The following NDST4 variants were observed in gnomAD, a reference collection of about 807,000 sequenced individuals.
NDST4 encodes N-heparan sulfate sulfotransferase 4.
A neutral mutation model predicts 100.8 loss-of-function variants in NDST4; 63 were observed. The ratio of observed to expected loss-of-function variants is 0.62; its 90% CI spans 0.51 to 0.77. The LOEUF (loss-of-function observed/expected upper bound fraction) is 0.77, where lower values mean the gene tolerates loss of function less well. NDST4 is among the 30% of genes least tolerant of loss of function. The pLI is 0.00. For synonymous variants in NDST4, 377 were observed against 361.8 expected (o/e 1.04, Z -0.48); for missense variants, 943 against 1,018.4 (o/e 0.93, Z 1.01).
rs540348253 is a variant in NDST4 at position 114,975,131 on chromosome 4, G to T, written c.1066+2056C>A. Among the ~76,000 whole-genome samples, 13 of 152,172 alleles carry T rather than the reference G, an allele frequency of 8.5e-5. No homozygotes were observed. In the South Asian group the frequency reaches 2.7e-3, roughly 32 times the overall value. ...GCACGTCTTTCTGATATCTGAAAGG[G>T]TATCACGTTGTGTAACTCAGCTCCA... On this transcript the variant is annotated intron_variant, in intron 3 of 13. Transcript: ENST00000264363.
intron 2 of NDST4, among the ~76,000 whole-genome samples, chr4:115,066,395 TA>T (rs1473678967): frequency 6.6e-6 from 1 of 152,148 alleles, no homozygotes; most frequent in African/African-American, 2.4e-5. Context: ...CTACTTGAAA[TA>T]ATTCAGAAGA....
intron 4 of NDST4, among the ~76,000 whole-genome samples, chr4:114,949,352 T>A (rs1232189779): frequency 6.6e-6 from 1 of 151,980 alleles, no homozygotes; most frequent in Non-Finnish European, 1.5e-5. Context: ...AGGGAAAGCA[T>A]TAGAGCATGA....
intron 10 of NDST4, chr4:114,842,880 A>G (rs188956234): frequency 2.7e-3 from 415 of 154,796 alleles, no homozygotes; most frequent in Admixed American, 4.7e-3. Context: ...CAACAGCCAC[A>G]GTATTTATTG....
chr4:114,935,275 T>G lies in NDST4; in HGVS notation c.1467A>C (p.Pro489=), dbSNP rs1245571496. 1 of 1,611,100 alleles carries G rather than the reference T, an allele frequency of 6.2e-7. No individual in the cohort carries two copies. Among genetic ancestry groups the G allele is most frequent in the Non-Finnish European group, 8.5e-7 (1 of 1,178,788 alleles). The change falls in exon 6 of 14, where the codon CCA becomes CCC. Residue 489 remains proline, a synonymous_variant. Transcript: ENST00000264363. ...TTTTATCCAGTTCTTGGGGTCCTCC[T>G]GGATATTCTTTGTAGAAAATAGTGT... ...FTHTIFYKEY[P]GGPQELDKSI...
In NDST4 at chr4:115,076,196, T is replaced by C. The variant is rs1398231381; in HGVS notation, c.841A>G (p.Lys281Glu). Residue 281 changes from lysine (K) to glutamate (E), a missense_variant, in exon 2 of 14, where the codon AAG becomes GAG. Transcript: ENST00000264363. ...GAGATGGCATCTATGAAGATGAGCTTGTGCAGCCAAAAGTTCAAGTTGTTG... is the reference window on the plus strand; with the variant it reads ...GAGATGGCATCTATGAAGATGAGCTCGTGCAGCCAAAAGTTCAAGTTGTTG... ...FGNNLNFWLH[K>E]LIFIDAISFL... 3.7e-6 allele frequency: 6 copies of C among 1,613,982 alleles called. No homozygotes were observed. In the East Asian group the frequency reaches 1.1e-4, roughly 30 times the overall value.
chr4:114,993,846 T>C (rs1364507245), intron 2 of NDST4, among the ~76,000 whole-genome samples: 1 of 151,982 alleles, frequency 6.6e-6, no homozygotes, highest in Non-Finnish European at 1.5e-5. Context: ...TTTGTTTTTA[T>C]TCATGATTCA....
chr4:115,060,873 A>T (rs1471792011), intron 2 of NDST4, among the ~76,000 whole-genome samples: 2 of 152,064 alleles, frequency 1.3e-5, no homozygotes, highest in Non-Finnish European at 2.9e-5. Context: ...AAAGGAAATG[A>T]GCTAATTTTC....
chr4:115,004,286 C>T (rs1727363949), intron 2 of NDST4, among the ~76,000 whole-genome samples: 1 of 152,138 alleles, frequency 6.6e-6, no homozygotes, highest in African/African-American at 2.4e-5. Context: ...TAATTATTAA[C>T]ACTTACTTGG....
rs1159106715 is a variant in NDST4, at chr4:114,970,464, A to C, written c.1187T>G (p.Val396Gly). ...TTCCTTGTTGAGAATCATCTGCTCTACTAAAGATGACTCGTTGTGGAAGAG... is the reference window on the plus strand; with the variant it reads ...TTCCTTGTTGAGAATCATCTGCTCTCCTAAAGATGACTCGTTGTGGAAGAG... ...PHLFHNESSL[V>G]EQMILNKEFA... The change falls in exon 4 of 14, where the codon GTA (valine) becomes GGA (glycine). Residue 396 changes from valine to glycine, a missense_variant. Around this residue, in one of 2 missense-constraint regions of NDST4, gnomAD observed 526 missense variants for 634.1 expected, o/e 0.83. Coordinates refer to ENST00000264363, the MANE Select transcript of NDST4 (RefSeq NM_022569.3). The C allele has an allele frequency of 6.2e-7, 1 of 1,613,944 alleles. No homozygotes were observed. Among genetic ancestry groups the C allele is most frequent in the East Asian group, 2.2e-5 (1 of 44,882 alleles).
intron 6 of NDST4, among the ~76,000 whole-genome samples, chr4:114,904,693 T>C (rs1283115215): frequency 6.6e-6 from 1 of 150,786 alleles, no homozygotes; most frequent in Admixed American, 6.6e-5. Context: ...TGTTGTGTAA[T>C]TTGTAGAGTT....
chr4:115,091,456 T>A (rs1729517301), intron 1 of NDST4, among the ~76,000 whole-genome samples: 1 of 152,104 alleles, frequency 6.6e-6, no homozygotes, highest in African/African-American at 2.4e-5. Context: ...TATTTCTCCA[T>A]CTACTCTTCT....
chr4:115,069,428 A>T (rs1315307373), intron 2 of NDST4, among the ~76,000 whole-genome samples: 1 of 152,230 alleles, frequency 6.6e-6, no homozygotes, highest in Non-Finnish European at 1.5e-5. Flanking sequence ...AATATCCAGT[A>T]TCTATAAGGA....
intron 13 of NDST4, among the ~76,000 whole-genome samples, chr4:114,829,561 C>A (rs963217765): frequency 3.3e-5 from 5 of 152,060 alleles, no homozygotes; most frequent in African/African-American, 1.2e-4. Flanking sequence ...GAATTGCATT[C>A]AAACAGCAAA....
chr4:114,934,519 A>C (rs1267422236), intron 6 of NDST4, among the ~76,000 whole-genome samples: 3 of 151,206 alleles, frequency 2.0e-5, no homozygotes, highest in Non-Finnish European at 4.4e-5. Flanking sequence ...GCGCCACTGC[A>C]CTCCAGCCTG....
intron 2 of NDST4, among the ~76,000 whole-genome samples, chr4:115,048,875 G>A (rs1244754069): frequency 6.6e-6 from 1 of 151,014 alleles, no homozygotes; most frequent in Non-Finnish European, 1.5e-5. Flanking sequence ...CTGCCCTCAA[G>A]TAATCTGCCC....
At chr4:114,847,875 G>A (rs762778473) in intron 9 of NDST4, among the ~76,000 whole-genome samples, 10 of 152,162 alleles carry the variant, frequency 6.6e-5, no homozygotes, top group Middle Eastern at 3.4e-3. Flanking sequence ...ACATTGTTGC[G>A]AAGACAAATT....
At position 115,072,448 on chromosome 4, in the gene NDST4, C is replaced by A. The variant is rs137860878; in HGVS notation, c.978+3611G>T. On this transcript the variant is annotated intron_variant, in intron 2 of 13. Coordinates refer to ENST00000264363, the MANE Select transcript of NDST4 (RefSeq NM_022569.3). Reference sequence around the variant, plus strand: ...AAACAAAGCAAGATATATTACAAAGCTATAGTAATCACAACAGCATGATAC... The same window carrying A: ...AAACAAAGCAAGATATATTACAAAGATATAGTAATCACAACAGCATGATAC... Among the ~76,000 whole-genome samples the A allele has an allele frequency of 3.0e-3, 459 of 152,038 alleles. 1 individual carries two copies. Among genetic ancestry groups the A allele is most frequent in the African/African-American group, 0.011 (437 of 41,526 alleles).
rs114054603 is a variant in NDST4, at chr4:114,992,693, C to T, written c.979-15419G>A. On this transcript the variant is annotated intron_variant, in intron 2 of 13. Coordinates refer to ENST00000264363, the MANE Select transcript of NDST4 (RefSeq NM_022569.3). ...TCTCCATTGAGCATTTTACAATTTT[C>T]AAAAGGTCATTATATGGTATTTCAT... 7.9e-3 allele frequency among the ~76,000 whole-genome samples: 1,200 copies of T among 151,864 alleles called. 12 individuals are homozygous for T. The highest frequency in any genetic ancestry group is 0.025 in the African/African-American group (1,057 of 41,520).
chr4:114,847,099 G>C (rs1390328749), intron 9 of NDST4, among the ~76,000 whole-genome samples: 1 of 131,396 alleles, frequency 7.6e-6, no homozygotes, highest in Non-Finnish European at 1.5e-5. Flanking sequence ...TCTTTCGGCC[G>C]GGCGCGGTGG....
Sources: gnomAD v4.1 joint callset for allele counts (sites outside exome capture counted in the v4.1 genomes callset) on GRCh38, gnomAD v4.1.1 for gene constraint, gnomAD v4.1.1 regional missense constraint, MANE v1.5 for transcripts, NCBI Gene and HGNC (gene_info 2026-07-23, HGNC 2026-07-21) for gene names.